The following TENT5D variants were observed in gnomAD, a reference collection of about 807,000 sequenced individuals.
The protein encoded by TENT5D is terminal nucleotidyltransferase 5D, also known as cancer/testis antigen 112.
For synonymous variants in TENT5D, 103 were observed against 100.6 expected (o/e 1.02, Z -0.15); for missense variants, 191 against 287.0 (o/e 0.67, Z 2.42).
intron 3 of TENT5D, among the ~76,000 whole-genome samples, chrX:80,379,911 C>T (rs1016307171): frequency 6.5e-5 from 7 of 108,133 alleles, no homozygotes; most frequent in African/African-American, 2.3e-4. Context: ...AAAACCGGCT[C>T]CTGGATTCAT....
chrX:80,357,241 G>A (rs146590437), intron 3 of TENT5D, among the ~76,000 whole-genome samples: 1 of 109,821 alleles, frequency 9.1e-6, no homozygotes, highest in Admixed American at 9.8e-5. Context: ...TGTGTCTTTA[G>A]AGCAGCATGA....
intron 3 of TENT5D, among the ~76,000 whole-genome samples, chrX:80,412,950 T>TG (rs888915934): frequency 9.0e-6 from 1 of 111,238 alleles, no homozygotes; most frequent in Non-Finnish European, 1.9e-5. Flanking sequence ...CTATATTTTT[T>TG]TTTTGCCAGT....
chrX:80,411,918 C>A (rs986188673), intron 3 of TENT5D, among the ~76,000 whole-genome samples: 6 of 112,033 alleles, frequency 5.4e-5, no homozygotes, highest in African/African-American at 1.9e-4. Flanking sequence ...CTTCTCACAG[C>A]TCCACTAGGC....
At chrX:80,360,712 G>C (rs1213141350) in intron 3 of TENT5D, among the ~76,000 whole-genome samples, 1 of 111,921 alleles carries the variant, frequency 8.9e-6, no homozygotes, top group Non-Finnish European at 1.9e-5. Flanking sequence ...GAGTAGCTCA[G>C]ATTCTCTGGA....
At chrX:80,341,120 C>T (rs1929948942) in intron 2 of TENT5D, among the ~76,000 whole-genome samples, 2 of 112,002 alleles carry the variant, frequency 1.8e-5, no homozygotes, top group African/African-American at 6.5e-5. Context: ...AAGAACAGGG[C>T]ATTTGGAATC....
rs140244380 is a variant in TENT5D, at chrX:80,442,672, C to T, written c.133C>T (p.His45Tyr). ...GGAGGTAAAACCAAAAGACATCATT[C>T]ATGTTGTGAAAGATCAACTCATAGG... The change falls in exon 3 of 3, where the codon CAT becomes TAT. Residue 45 changes from histidine (H) to tyrosine (Y), a missense_variant. Physicochemically the swap from His to Tyr is moderately conservative, Grantham distance 83. Transcript: ENST00000308293. The T allele has an allele frequency of 6.8e-5, 82 of 1,209,162 alleles. No individual in the cohort carries two copies. In the African/African-American group the frequency reaches 1.2e-3, roughly 18 times the overall value.
intron 2 of TENT5D, among the ~76,000 whole-genome samples, chrX:80,337,423 T>A (rs1457470269): frequency 4.5e-5 from 5 of 112,152 alleles, no homozygotes; most frequent in Non-Finnish European, 9.4e-5. Flanking sequence ...TTTTCTGTTT[T>A]ATAGTTGTGC....
At chrX:80,365,134 A>G in intron 3 of TENT5D, among the ~76,000 whole-genome samples, 1 of 111,073 alleles carries the variant, frequency 9.0e-6, no homozygotes, top group Non-Finnish European at 1.9e-5. Flanking sequence ...TCTTCTTTAC[A>G]TATTCCATTG....
chrX:80,346,799 G>A (rs1339388727), intron 3 of TENT5D, among the ~76,000 whole-genome samples: 3 of 110,625 alleles, frequency 2.7e-5, no homozygotes, highest in Non-Finnish European at 5.7e-5. Context: ...GCATGCATTA[G>A]GTATTTGTCC....
intron 3 of TENT5D, among the ~76,000 whole-genome samples, chrX:80,386,678 C>A (rs1931019197): frequency 8.9e-6 from 1 of 111,834 alleles, no homozygotes; most frequent in African/African-American, 3.2e-5. Context: ...AGGAATTTTT[C>A]TTCCTACCTA....
chrX:80,364,518 C>T (rs1930468579), intron 3 of TENT5D, among the ~76,000 whole-genome samples: 1 of 110,734 alleles, frequency 9.0e-6, no homozygotes, highest in African/African-American at 3.3e-5. Context: ...TCAATATGTA[C>T]TCTATATATA....
intron 3 of TENT5D, among the ~76,000 whole-genome samples, chrX:80,394,712 T>A (rs1477575801): frequency 9.0e-6 from 1 of 111,210 alleles, no homozygotes; most frequent in Non-Finnish European, 1.9e-5. Context: ...TATTTTTTAT[T>A]ATCAATTCTT....
At chrX:80,432,355 T>C (rs1932105160) in intron 1 of TENT5D, among the ~76,000 whole-genome samples, 1 of 110,834 alleles carries the variant, frequency 9.0e-6, no homozygotes. Context: ...AGGTCCTTTG[T>C]GAAAGGAAAC....
intron 3 of TENT5D, among the ~76,000 whole-genome samples, chrX:80,375,071 T>G (rs992163375): frequency 1.8e-5 from 2 of 111,657 alleles, no homozygotes; most frequent in Admixed American, 9.6e-5. Context: ...ATGCTTTGTG[T>G]ATTCCATTTC....
At chrX:80,366,257 C>T (rs979795547) in intron 3 of TENT5D, among the ~76,000 whole-genome samples, 4 of 101,485 alleles carry the variant, frequency 3.9e-5, no homozygotes. Flanking sequence ...TGGACTTATT[C>T]CACAAATGTA....
At chrX:80,355,723 T>C (rs1170993767) in intron 3 of TENT5D, among the ~76,000 whole-genome samples, 3 of 111,806 alleles carry the variant, frequency 2.7e-5, no homozygotes, top group African/African-American at 6.5e-5. Flanking sequence ...CAACCCTGTG[T>C]AGGGTTCCCA....
intron 3 of TENT5D, among the ~76,000 whole-genome samples, chrX:80,385,153 A>G (rs1487007205): frequency 9.0e-6 from 1 of 111,414 alleles, no homozygotes; most frequent in Non-Finnish European, 1.9e-5. Flanking sequence ...GAGGCATCAC[A>G]CTACCTGACT....
rs1411574491 is a variant in TENT5D at position 80,395,452 on chromosome X, T to C, written c.-141-43158T>C. On this transcript the variant is annotated intron_variant, in intron 3 of 4. Transcript: ENST00000538312. ...TTGGAAGAGCCTGTATACTGTTTTT[T>C]ATAATAGCTGTGCTAATTAATATTC... Among the ~76,000 whole-genome samples, 3 of 112,127 alleles carry C rather than the reference T, an allele frequency of 2.7e-5. No homozygotes were observed. In the East Asian group the frequency reaches 8.4e-4, roughly 31 times the overall value.
intron 3 of TENT5D, among the ~76,000 whole-genome samples, chrX:80,342,806 A>G (rs932559195): frequency 4.5e-5 from 5 of 111,836 alleles, no homozygotes; most frequent in Admixed American, 3.8e-4. Flanking sequence ...CAGTTGTTCA[A>G]ATTTGGAGAG....
Sources: gnomAD v4.1 joint callset for allele counts (sites outside exome capture counted in the v4.1 genomes callset) on GRCh38, gnomAD v4.1.1 for gene constraint, MANE v1.5 for transcripts, NCBI Gene and HGNC (gene_info 2026-07-23, HGNC 2026-07-21) for gene names.